MCC: variants seen among roughly 807,000 people sequenced by gnomAD.
The protein encoded by MCC is MCC regulator of Wnt signaling pathway, also known as colorectal mutant cancer protein.
Under a neutral mutation model 116.2 loss-of-function variants are expected in MCC, and 90 were observed. That is an observed-to-expected ratio of 0.77 (90% confidence interval 0.65 to 0.92). The LOEUF is 0.92. MCC is among the 40% of genes least tolerant of loss of function. The pLI, the probability that MCC is intolerant of heterozygous loss-of-function variation, is 0.00. For missense variants in MCC, 1,516 were observed against 1,312.2 expected (o/e 1.16, Z -2.40); for synonymous variants, 578 against 510.5 (o/e 1.13, Z -1.78).
intron 3 of MCC, among the ~76,000 whole-genome samples, chr5:113,173,588 T>A (rs968171260): frequency 2.0e-5 from 3 of 152,222 alleles, no homozygotes; most frequent in African/African-American, 7.2e-5. Flanking sequence ...CCCCAATCAG[T>A]GTAATCATGT....
At chr5:113,402,880 GA>G (rs1231942512) in intron 1 of MCC, among the ~76,000 whole-genome samples, 1 of 152,064 alleles carries the variant, frequency 6.6e-6, no homozygotes, top group African/African-American at 2.4e-5. Flanking sequence ...CTGCAGCCTT[GA>G]ACTCCAGGGT....
intron 1 of MCC, among the ~76,000 whole-genome samples, chr5:113,445,028 A>G (rs1771168728): frequency 6.6e-6 from 1 of 152,232 alleles, no homozygotes; most frequent in Non-Finnish European, 1.5e-5. Context: ...CTTAAAAACA[A>G]AATCCCTTAA....
chr5:113,157,637 C>G (rs1760246258), intron 3 of MCC, among the ~76,000 whole-genome samples: 1 of 152,190 alleles, frequency 6.6e-6, no homozygotes, highest in Non-Finnish European at 1.5e-5. Flanking sequence ...GGTCTGGCTA[C>G]TTGAAGTGCT....
chr5:113,409,196 T>C (rs1247171441), intron 1 of MCC, among the ~76,000 whole-genome samples: 1 of 152,216 alleles, frequency 6.6e-6, no homozygotes, highest in Non-Finnish European at 1.5e-5. Flanking sequence ...ATATTAGCAC[T>C]TGTCTGGAAT....
chr5:113,068,028 G>A lies in MCC; in HGVS notation c.2029+52C>T, dbSNP rs1753743780. 5.4e-6 allele frequency: 8 copies of A among 1,478,848 alleles called. 1 individual carries two copies. In the South Asian group the frequency reaches 9.1e-5, roughly 17 times the overall value. 91.6% of individuals were successfully genotyped at this position (1,478,848 alleles called of 1,614,324 possible). ...GCCAGTTGCTGAGACAGGGGCAGAA[G>A]CAAAGGAGGCAGGGAGACAAGAGGA... On this transcript the variant is annotated intron_variant, in intron 13 of 18. Coordinates refer to ENST00000408903, the MANE Select transcript of MCC (RefSeq NM_001085377.2).
intron 3 of MCC, among the ~76,000 whole-genome samples, chr5:113,189,273 C>T (rs1257566560): frequency 1.3e-5 from 2 of 152,192 alleles, no homozygotes; most frequent in African/African-American, 2.4e-5. Context: ...GTGAGACTCT[C>T]AGTTATGGCT....
At chr5:113,479,295 T>A (rs1313908604) in intron 1 of MCC, among the ~76,000 whole-genome samples, 1 of 152,138 alleles carries the variant, frequency 6.6e-6, no homozygotes, top group Admixed American at 6.5e-5. Context: ...AGAAAGCAGA[T>A]CAGTGGTTGC....
At chr5:113,447,615 T>A (rs1219439763) in intron 1 of MCC, among the ~76,000 whole-genome samples, 8 of 152,206 alleles carry the variant, frequency 5.3e-5, no homozygotes, top group African/African-American at 1.7e-4. Flanking sequence ...GATGTTCTCT[T>A]ATAGTTGGCT....
intron 3 of MCC, among the ~76,000 whole-genome samples, chr5:113,274,363 G>A (rs1765733828): frequency 6.8e-6 from 1 of 145,998 alleles, no homozygotes; most frequent in Non-Finnish European, 1.5e-5. Flanking sequence ...AGATACTTTT[G>A]TTTTGTTTTG....
At chr5:113,323,892 G>T (rs1018121426) in intron 3 of MCC, among the ~76,000 whole-genome samples, 10 of 152,128 alleles carry the variant, frequency 6.6e-5, no homozygotes, top group African/African-American at 2.4e-4. Flanking sequence ...TCGAGACAAT[G>T]TCTCTAATAA....
At chr5:113,082,718 T>C (rs1754941951) in intron 11 of MCC, 142 bp downstream of exon 11, 1 of 981,394 alleles carries the variant, frequency 1.0e-6, no homozygotes, top group Non-Finnish European at 1.5e-6. Flanking sequence ...ACCAAGGTGG[T>C]AGGAACTTCC....
chr5:113,384,590 G>GC (rs1336856595), intron 2 of MCC, among the ~76,000 whole-genome samples: 1 of 151,848 alleles, frequency 6.6e-6, no homozygotes, highest in Non-Finnish European at 1.5e-5. Flanking sequence ...TCCGTCCCCC[G>GC]CCCCCCAAAA....
At chr5:113,472,962 A>T (rs992687604) in intron 1 of MCC, among the ~76,000 whole-genome samples, 3 of 152,344 alleles carry the variant, frequency 2.0e-5, no homozygotes, top group African/African-American at 7.2e-5. Context: ...CATCTAATCA[A>T]CGCATGATGT....
At chr5:113,057,754 TCACCTTCACAAATCATCAA>T (rs913755452) in intron 14 of MCC, among the ~76,000 whole-genome samples, 2 of 152,224 alleles carry the variant, frequency 1.3e-5, no homozygotes, top group Non-Finnish European at 2.9e-5. Context: ...GCTCAGGAGC[TCACCTTCACAAATCATCAA>T]CACTGATGTG....
intron 6 of MCC, among the ~76,000 whole-genome samples, chr5:113,110,181 TACAC>T (rs1757006341): frequency 6.6e-6 from 1 of 152,122 alleles, no homozygotes; most frequent in East Asian, 1.9e-4. Context: ...TGGTAGCAAA[TACAC>T]ATTCCTTTAA....
chr5:113,146,672 C>T lies in MCC; in HGVS notation c.742-3312G>A, dbSNP rs373572456. ...AAGTCAATTATTCAGTGATAATTTACTTAGCGGCCTCTGGGACCAAAGGCA... is the reference window on the plus strand; with the variant it reads ...AAGTCAATTATTCAGTGATAATTTATTTAGCGGCCTCTGGGACCAAAGGCA... On this transcript the variant is annotated intron_variant, in intron 4 of 18. Transcript: ENST00000408903. 2.6e-4 allele frequency among the ~76,000 whole-genome samples: 40 copies of T among 152,310 alleles called. 1 individual carries two copies. In the South Asian group the frequency reaches 7.7e-3, roughly 29 times the overall value.
intron 3 of MCC, among the ~76,000 whole-genome samples, chr5:113,225,948 G>T (rs545942123): frequency 6.6e-6 from 1 of 152,256 alleles, no homozygotes; most frequent in Non-Finnish European, 1.5e-5. Flanking sequence ...CAAGGCAGGC[G>T]GATCACTTGA....
At chr5:113,258,556 A>G (rs1257041831) in intron 3 of MCC, among the ~76,000 whole-genome samples, 4 of 152,240 alleles carry the variant, frequency 2.6e-5, no homozygotes, top group Non-Finnish European at 4.4e-5. Flanking sequence ...GCTCCTTATG[A>G]GAATCTAATG....
chr5:113,077,685 A>C (rs1754552773), intron 11 of MCC, among the ~76,000 whole-genome samples: 1 of 152,250 alleles, frequency 6.6e-6, no homozygotes, highest in African/African-American at 2.4e-5. Flanking sequence ...ATAGCACTAA[A>C]TGCCTACAAG....
Sources: gnomAD v4.1 joint callset for allele counts (sites outside exome capture counted in the v4.1 genomes callset) on GRCh38, gnomAD v4.1.1 for gene constraint, MANE v1.5 for transcripts, NCBI Gene and HGNC (gene_info 2026-07-23, HGNC 2026-07-21) for gene names.